Variants in ZDHHC14 observed in about 807,000 individuals in gnomAD.
ZDHHC14 encodes palmitoyltransferase ZDHHC14.
ZDHHC14 carries 16 observed loss-of-function variants against 47.7 expected under a neutral mutation model. That is an observed-to-expected ratio of 0.34 (90% CI 0.23 to 0.51). The LOEUF is 0.51. Ranked by LOEUF, ZDHHC14 falls within the 20% of genes least tolerant of loss-of-function variation. The pLI, the probability that ZDHHC14 is intolerant of heterozygous loss-of-function variation, is 0.97. For synonymous variants in ZDHHC14, 293 were observed against 278.9 expected (o/e 1.05, Z -0.50); for missense variants, 515 against 662.5 (o/e 0.78, Z 2.44).
chr6:157,536,249 C>G (rs1010884848), intron 1 of ZDHHC14, among the ~76,000 whole-genome samples: 20 of 152,150 alleles, frequency 1.3e-4, no homozygotes, highest in African/African-American at 4.8e-4. Flanking sequence ...ATGTATGCCT[C>G]GTGGTTATGT....
At chr6:157,653,967 AT>A (rs2114993151) in intron 8 of ZDHHC14, among the ~76,000 whole-genome samples, 1 of 152,122 alleles carries the variant, frequency 6.6e-6, no homozygotes, top group East Asian at 1.9e-4. Context: ...TGGGCTCATG[AT>A]CTTCCATTTC....
intron 1 of ZDHHC14, among the ~76,000 whole-genome samples, chr6:157,500,830 G>A (rs892301325): frequency 3.3e-5 from 5 of 152,192 alleles, no homozygotes; most frequent in African/African-American, 1.2e-4. Context: ...CATTTTCTGT[G>A]AAGAATAGAA....
At chr6:157,446,971 T>C (rs1483547630) in intron 1 of ZDHHC14, among the ~76,000 whole-genome samples, 1 of 151,780 alleles carries the variant, frequency 6.6e-6, no homozygotes, top group Non-Finnish European at 1.5e-5. Context: ...ATACAAAAAT[T>C]AGCCAGGTGT....
intron 1 of ZDHHC14, among the ~76,000 whole-genome samples, chr6:157,388,626 G>C (rs1374966621): frequency 6.6e-6 from 1 of 152,086 alleles, no homozygotes; most frequent in South Asian, 2.1e-4. Context: ...CTAACCTAAT[G>C]CTTTTGTTCA....
At chr6:157,562,808 A>G (rs1317806832) in intron 2 of ZDHHC14, among the ~76,000 whole-genome samples, 1 of 152,140 alleles carries the variant, frequency 6.6e-6, no homozygotes, top group Non-Finnish European at 1.5e-5. Flanking sequence ...GGAGAGGGGC[A>G]GCCTCCTCAG....
intron 1 of ZDHHC14, among the ~76,000 whole-genome samples, chr6:157,447,861 G>T (rs1353395426): frequency 6.6e-6 from 1 of 152,118 alleles, no homozygotes; most frequent in Admixed American, 6.5e-5. Flanking sequence ...CTTGTCAGCG[G>T]TGTTTAAAAA....
chr6:157,448,346 C>CG (rs1778729454), intron 1 of ZDHHC14, among the ~76,000 whole-genome samples: 1 of 151,936 alleles, frequency 6.6e-6, no homozygotes, highest in Non-Finnish European at 1.5e-5. Context: ...GTGTCTGTTG[C>CG]GGGGGTGGTG....
intron 1 of ZDHHC14, among the ~76,000 whole-genome samples, chr6:157,443,818 A>G (rs1336296918): frequency 1.3e-5 from 2 of 152,128 alleles, no homozygotes; most frequent in Non-Finnish European, 2.9e-5. Flanking sequence ...GTAGTGCCTT[A>G]CCTTCTCTGG....
chr6:157,651,571 CTCCTT>C (rs1238544311), intron 7 of ZDHHC14, among the ~76,000 whole-genome samples: 2 of 15,374 alleles, frequency 1.3e-4, no homozygotes, highest in Admixed American at 1.1e-3. Flanking sequence ...CCCTCAAGAC[CTCCTT>C]TTTTTTTTTT....
chr6:157,559,204 A>AT (rs71027351), intron 2 of ZDHHC14, among the ~76,000 whole-genome samples: 60,876 of 152,132 alleles, frequency 0.4, 14,213 homozygotes, highest in African/African-American at 0.65. Context: ...TGCAAAGGTG[A>AT]TTCACGAGGA....
At chr6:157,599,082 TA>T (rs1784239481) in intron 3 of ZDHHC14, among the ~76,000 whole-genome samples, 2 of 152,380 alleles carry the variant, frequency 1.3e-5, no homozygotes, top group African/African-American at 4.8e-5. Flanking sequence ...ACTGCAGTTG[TA>T]AAATATTTAG....
intron 1 of ZDHHC14, among the ~76,000 whole-genome samples, chr6:157,507,005 C>A (rs1780343391): frequency 6.6e-6 from 1 of 151,970 alleles, no homozygotes. Context: ...CTCCTGTGAC[C>A]CTGCCCCCTA....
intron 1 of ZDHHC14, among the ~76,000 whole-genome samples, chr6:157,470,071 C>T (rs1779318505): frequency 6.6e-6 from 1 of 152,120 alleles, no homozygotes; most frequent in Non-Finnish European, 1.5e-5. Flanking sequence ...ACAGCAGTGT[C>T]CAGTAAATGA....
intron 1 of ZDHHC14, among the ~76,000 whole-genome samples, chr6:157,478,096 T>G (rs1010162269): frequency 1.3e-5 from 2 of 152,220 alleles, no homozygotes; most frequent in Non-Finnish European, 2.9e-5. Context: ...TTAGGTTCAG[T>G]GCCACATCCT....
At chr6:157,589,043 A>T (rs1040946011) in intron 2 of ZDHHC14, among the ~76,000 whole-genome samples, 2 of 152,180 alleles carry the variant, frequency 1.3e-5, no homozygotes, top group African/African-American at 4.8e-5. Context: ...TATAAAGAAA[A>T]GAGGTTTTAT....
chr6:157,526,846 G>A (rs2114775905), intron 1 of ZDHHC14, among the ~76,000 whole-genome samples: 1 of 152,278 alleles, frequency 6.6e-6, no homozygotes, highest in African/African-American at 2.4e-5. Flanking sequence ...ACCAACCGCT[G>A]GACCAGGGAC....
intron 2 of ZDHHC14, among the ~76,000 whole-genome samples, chr6:157,589,390 C>T (rs895125861): frequency 6.6e-6 from 1 of 152,154 alleles, no homozygotes; most frequent in Admixed American, 6.5e-5. Flanking sequence ...AGTTTTTAGA[C>T]ATCTCAATGC....
intron 1 of ZDHHC14, among the ~76,000 whole-genome samples, chr6:157,509,422 T>C (rs1780407016): frequency 1.3e-5 from 2 of 152,170 alleles, no homozygotes; most frequent in Admixed American, 1.3e-4. Context: ...TGTACACACA[T>C]AGTGAACCTA....
intron 1 of ZDHHC14, among the ~76,000 whole-genome samples, chr6:157,476,499 C>A (rs1378445457): frequency 6.6e-6 from 1 of 152,174 alleles, no homozygotes; most frequent in Admixed American, 6.5e-5. Flanking sequence ...CAATACTAAT[C>A]CTTCTAAAAC....
Sources: allele counts gnomAD v4.1 joint callset (sites outside exome capture counted in the v4.1 genomes callset), GRCh38; gene constraint gnomAD v4.1.1; transcripts MANE v1.5; gene names NCBI Gene and HGNC (gene_info 2026-07-23, HGNC 2026-07-21).